DMD: variants seen among roughly 807,000 people sequenced by gnomAD.
DMD encodes dystrophin.
A neutral mutation model predicts 330.1 loss-of-function variants in DMD; 63 were observed. The observed-to-expected ratio is 0.19, with a 90% CI of 0.16 to 0.24. The LOEUF (loss-of-function observed/expected upper bound fraction) is 0.24. Among genes scored for constraint, DMD ranks in the 10% least tolerant of loss-of-function variants. DMD has a pLI of 1.00. For synonymous variants in DMD, 1,223 were observed against 959.8 expected (o/e 1.27, Z -5.07); for missense variants, 3,344 against 2,684.1 (o/e 1.25, Z -5.43).
intron 42 of DMD, among the ~76,000 whole-genome samples, chrX:32,307,226 T>C (rs1330891764): frequency 9.0e-6 from 1 of 111,192 alleles, no homozygotes; most frequent in Admixed American, 9.6e-5. Flanking sequence ...GCAAGTGAAA[T>C]GTATCCTATG....
chrX:32,119,588 C>T (rs1174520924), intron 44 of DMD, among the ~76,000 whole-genome samples: 7 of 110,923 alleles, frequency 6.3e-5, no homozygotes, highest in Non-Finnish European at 1.3e-4. Flanking sequence ...ACACAATGCC[C>T]ATATATAACT....
intron 44 of DMD, among the ~76,000 whole-genome samples, chrX:32,168,452 CTTCCCTTTGGAAG>C (rs2096875806): frequency 9.3e-6 from 1 of 107,449 alleles, no homozygotes; most frequent in East Asian, 3.0e-4. Flanking sequence ...AATGACCCAT[CTTCCCTTTGGAAG>C]AGTTTAAGCA....
chrX:31,262,020 T>C (rs1048697557), intron 62 of DMD, among the ~76,000 whole-genome samples: 2 of 112,130 alleles, frequency 1.8e-5, no homozygotes, highest in African/African-American at 6.5e-5. Context: ...GACCAGAAAG[T>C]ACAGGGGCCT....
chrX:31,196,716 G>T (rs369984907), intron 67 of DMD, among the ~76,000 whole-genome samples: 33 of 105,982 alleles, frequency 3.1e-4, no homozygotes, highest in African/African-American at 1.1e-3. Flanking sequence ...AGCTACTTGG[G>T]AGGCTGAGGC....
chrX:32,786,888 G>A (rs2075400684), intron 7 of DMD, among the ~76,000 whole-genome samples: 1 of 111,238 alleles, frequency 9.0e-6, no homozygotes, highest in Non-Finnish European at 1.9e-5. Flanking sequence ...GAAATAAAAC[G>A]AAATTATACA....
chrX:31,618,353 G>C (rs1047892501), intron 55 of DMD, among the ~76,000 whole-genome samples: 1 of 111,640 alleles, frequency 9.0e-6, no homozygotes, highest in Non-Finnish European at 1.9e-5. Context: ...GTAGGCTGTA[G>C]TGAGCAGTAA....
chrX:31,555,284 C>T (rs938263906), intron 55 of DMD, among the ~76,000 whole-genome samples: 1 of 111,486 alleles, frequency 9.0e-6, no homozygotes, highest in Non-Finnish European at 1.9e-5. Flanking sequence ...GAAAGAGATA[C>T]ACATAATTGG....
intron 44 of DMD, among the ~76,000 whole-genome samples, chrX:32,144,728 G>C: frequency 8.9e-6 from 1 of 111,997 alleles, no homozygotes. Flanking sequence ...GGACATTCTT[G>C]TCTTTCAAAA....
chrX:32,654,916 A>G (rs1421970189), intron 9 of DMD, among the ~76,000 whole-genome samples: 3 of 111,081 alleles, frequency 2.7e-5, no homozygotes, highest in Non-Finnish European at 5.7e-5. Context: ...TTCCTTCTAG[A>G]TTTTCTAGTT....
chrX:32,793,021 C>T (rs961685858), intron 7 of DMD, among the ~76,000 whole-genome samples: 7 of 111,982 alleles, frequency 6.3e-5, no homozygotes, highest in Admixed American at 1.9e-4. Flanking sequence ...CATAAGCACA[C>T]AGAACATTCT....
chrX:32,173,485 G>A (rs1433488337), intron 44 of DMD, among the ~76,000 whole-genome samples: 1 of 110,212 alleles, frequency 9.1e-6, no homozygotes, highest in South Asian at 4.0e-4. Context: ...TGATTCTCCT[G>A]CCTCAGCCTC....
Position 31,373,192 on chromosome X carries a change from A to G in DMD, c.9085-24558T>C, listed in dbSNP as rs1269668152. 4.1e-4 allele frequency among the ~76,000 whole-genome samples: 44 copies of G among 107,136 alleles called. 1 individual carries two copies. Among genetic ancestry groups the G allele is most frequent in the Non-Finnish European group, 7.3e-4 (38 of 51,938 alleles). The allele number at this position is 107,136 out of a possible 115,157, so 93.0% of individuals were successfully genotyped here. Reference sequence around the variant, plus strand: ...AGAGGATACAAAGAAATGGAAGAACATTCCATGCTCATGGGTAGGAAGAAT... The same window carrying G: ...AGAGGATACAAAGAAATGGAAGAACGTTCCATGCTCATGGGTAGGAAGAAT... On this transcript the variant is annotated intron_variant, in intron 60 of 78. Coordinates refer to ENST00000357033, the MANE Select transcript of DMD (RefSeq NM_004006.3).
At chrX:31,456,157 C>T (rs2066143585) in intron 59 of DMD, among the ~76,000 whole-genome samples, 2 of 111,752 alleles carry the variant, frequency 1.8e-5, no homozygotes. Context: ...AAGAAGTCAT[C>T]AAATATTAGA....
chrX:32,758,981 C>A (rs1378051337), intron 7 of DMD, among the ~76,000 whole-genome samples: 1 of 112,009 alleles, frequency 8.9e-6, no homozygotes, highest in Non-Finnish European at 1.9e-5. Context: ...TTCTCTATTT[C>A]GAAACATGCT....
rs2032142438 is a variant in DMD at position 31,120,162 on chromosome X, T to C, written c.*1757A>G. On this transcript the variant is annotated 3_prime_UTR_variant, in exon 79 of 79. Coordinates refer to ENST00000357033, the MANE Select transcript of DMD (RefSeq NM_004006.3). ...AGGTCACACGGTGGTATCTATTGAA[T>C]GAATGATTTAAAAATCAAAAAGAAA... is the stretch of plus-strand genomic sequence containing the variant. The C allele has an allele frequency of 9.1e-6, 1 of 110,467 alleles. No individual in the cohort carries two copies. The allele number at this position is 110,467 out of a possible 1,213,427, so 9.1% of individuals were successfully genotyped here. A position where few individuals can be genotyped will look rare whatever the true frequency, so the allele number is the denominator to read the frequency against.
intron 9 of DMD, among the ~76,000 whole-genome samples, chrX:32,687,804 T>C (rs6631622): frequency 0.021 from 2,344 of 111,001 alleles, 48 homozygotes; most frequent in African/African-American, 0.071. Flanking sequence ...ATTTGCTATA[T>C]GGCAATAGTT....
At chrX:32,829,629 A>C (rs1015570654) in intron 4 of DMD, among the ~76,000 whole-genome samples, 26 of 111,524 alleles carry the variant, frequency 2.3e-4, no homozygotes, top group African/African-American at 8.1e-4. Flanking sequence ...CTATTTTTAC[A>C]ATTTCTTAAG....
intron 48 of DMD, among the ~76,000 whole-genome samples, chrX:31,853,259 T>C (rs1354680984): frequency 3.6e-5 from 4 of 112,668 alleles, no homozygotes; most frequent in Non-Finnish European, 7.5e-5. Flanking sequence ...ATTTTAGACT[T>C]TGTGGGCCAA....
chrX:31,576,287 T>A (rs1448887383), intron 55 of DMD, among the ~76,000 whole-genome samples: 1 of 112,106 alleles, frequency 8.9e-6, no homozygotes, highest in African/African-American at 3.2e-5. Flanking sequence ...GGTAGGCAAG[T>A]ATGTTTTATA....
Sources: allele counts gnomAD v4.1 joint callset (sites outside exome capture counted in the v4.1 genomes callset), GRCh38; gene constraint gnomAD v4.1.1; transcripts MANE v1.5; gene names NCBI Gene and HGNC (gene_info 2026-07-23, HGNC 2026-07-21).